The following A1BG variants were observed in gnomAD, a reference collection of about 807,000 sequenced individuals.
A1BG encodes alpha-1B-glycoprotein.
A neutral mutation model predicts 46.0 loss-of-function variants in A1BG; 44 were observed. That is an observed-to-expected ratio of 0.96 (90% CI 0.75 to 1.23). The LOEUF is 1.23. Ranked by LOEUF, A1BG falls within the 50% of genes most tolerant of loss-of-function variation. The pLI is 0.00. For synonymous variants in A1BG, 316 were observed against 314.7 expected, an observed-to-expected ratio of 1.00 and a Z score of -0.04; for missense variants, 707 against 688.8, an observed-to-expected ratio of 1.03 and a Z score of -0.30.
chr19:58,347,817 C>G, intron 6 of A1BG, 177 bp from the exon 7 acceptor site: 1 of 366,846 alleles, frequency 2.7e-6, no homozygotes. Context: ...CGCCCGCTGC[C>G]TTCACACCCC....
Position 58,346,735 on chromosome 19 carries a change from A to AAAAGAAG in A1BG, c.*286_*287insCTTCTTT, listed in dbSNP as rs2051915841. 1.9e-6 allele frequency: 1 copy of AAAAGAAG among 531,938 alleles called. No homozygotes were observed. The highest frequency in any genetic ancestry group is 3.3e-5 in the Admixed American group (1 of 29,870). The allele number at this position is 531,938 out of a possible 1,614,324, so 33.0% of individuals were successfully genotyped here. A position where few individuals can be genotyped will look rare whatever the true frequency, so the allele number is the denominator to read the frequency against. ...CCCTGTCTCAAAAAAGAAAAAAGAA[A>AAAAGAAG]AGAAAACTGTGCTCTTAAGAGCCAG... On this transcript the variant is annotated 3_prime_UTR_variant, in exon 8 of 8. Coordinates refer to ENST00000263100, the MANE Select transcript of A1BG (RefSeq NM_130786.4).
Position 58,347,653 on chromosome 19 carries a change from G to A in A1BG, c.1193-13C>T, listed in dbSNP as rs1319115024. ...CTGGGAGGGGGTCCTGGGCGGAGCG[G>A]GCGGGTGGTCGGGCCAGGCCACGCC... is the stretch of plus-strand genomic sequence containing the variant. On this transcript the variant is annotated splice_polypyrimidine_tract_variant and intron_variant, in intron 6 of 7. Transcript: ENST00000263100. 2.9e-6 allele frequency: 4 copies of A among 1,398,222 alleles called. No individual in the cohort carries two copies. The African/African-American group carries it at 4.6e-5, about 16-fold the overall frequency. The allele number at this position is 1,398,222 out of a possible 1,614,324, so 86.6% of individuals were successfully genotyped here. A position where few individuals can be genotyped will look rare whatever the true frequency, so the allele number is the denominator to read the frequency against.
chr19:58,346,610 C>A lies in A1BG; in HGVS notation c.*412G>T. The A allele has an allele frequency of 3.8e-6, 1 of 262,868 alleles. No individual in the cohort carries two copies. The highest frequency in any genetic ancestry group is 3.6e-5 in the South Asian group (1 of 27,618). The allele number at this position is 262,868 out of a possible 1,614,324, so 16.3% of individuals were successfully genotyped here. A position where few individuals can be genotyped will look rare whatever the true frequency, so the allele number is the denominator to read the frequency against. ...CGATGCATGCCCAGGCTCCCAGCTACTTGGGAGGCTGAGGCAGGAGGATCG... is the reference window on the plus strand; with the variant it reads ...CGATGCATGCCCAGGCTCCCAGCTAATTGGGAGGCTGAGGCAGGAGGATCG... On this transcript the variant is annotated 3_prime_UTR_variant, in exon 8 of 8. Coordinates refer to ENST00000263100, the MANE Select transcript of A1BG (RefSeq NM_130786.4).
chr19:58,353,137 T>C lies in A1BG; in HGVS notation c.131A>G (p.Asn44Ser). Residue 44 changes from asparagine (N) to serine (S), a missense_variant, in exon 3 of 8, where the codon AAT becomes AGT. Coordinates refer to ENST00000263100, the MANE Select transcript of A1BG (RefSeq NM_130786.4). ...GTGGGCCTGGCACGTCAGCGTCACA[T>C]TGGCCAAGGGTTTCAGCAGTGATTC... ...ESESLLKPLANVTLTCQAHLE... is the reference protein window; with the variant it reads ...ESESLLKPLASVTLTCQAHLE... 1 of 1,614,108 alleles carries C rather than the reference T, an allele frequency of 6.2e-7. No individual in the cohort carries two copies. Among genetic ancestry groups the C allele is most frequent in the Non-Finnish European group, 8.5e-7 (1 of 1,180,010 alleles).
At chr19:58,350,254 G>T in intron 6 of A1BG, 116 bp downstream of exon 6, 2 of 1,319,348 alleles carry the variant, frequency 1.5e-6, no homozygotes, top group South Asian at 3.1e-5. Context: ...AGGCGATGGG[G>T]GCTGAACCAA....
Position 58,347,129 on chromosome 19 carries a change from G to C in A1BG, c.1481-100C>G, listed in dbSNP as rs1225739575. On this transcript the variant is annotated intron_variant, in intron 7 of 7. Transcript: ENST00000263100. ...GACCTCCCTGACGCCCCCCCGGAAG[G>C]AAGCGCGTGGTCGGCTGCCAGCCGA... 11 of 1,491,506 alleles carry C rather than the reference G, an allele frequency of 7.4e-6. No individual in the cohort carries two copies. In the Middle Eastern group the frequency reaches 7.0e-4, roughly 95 times the overall value. 92.4% of individuals were successfully genotyped at this position (1,491,506 alleles called of 1,614,324 possible). A position where few individuals can be genotyped will look rare whatever the true frequency, so the allele number is the denominator to read the frequency against.
Position 58,347,048 on chromosome 19 carries a change from G to A in A1BG, c.1481-19C>T. On this transcript the variant is annotated intron_variant, in intron 7 of 7. Transcript: ENST00000263100. ...CAGCTTTCTAGACAACGGGAGAAAA[G>A]AGAAATGGTGGAGGAGGGGAAATCC... is the stretch of plus-strand genomic sequence containing the variant. 2 of 1,614,054 alleles carry A rather than the reference G, an allele frequency of 1.2e-6. No individual in the cohort carries two copies. The highest frequency in any genetic ancestry group is 8.5e-7 in the Non-Finnish European group (1 of 1,179,946).
At chr19:58,352,900 C>A in intron 3 of A1BG, 28 bp downstream of exon 3, 1 of 1,596,826 alleles carries the variant, frequency 6.3e-7, no homozygotes, top group South Asian at 1.1e-5. Context: ...CCACTGCCTC[C>A]TGGCCCCCAA....
chr19:58,351,030 T>C, intron 5 of A1BG: 1 of 420,778 alleles, frequency 2.4e-6, no homozygotes, highest in South Asian at 3.8e-5. Context: ...GGGCATGGGG[T>C]TCGCTGTCCG....
At chr19:58,347,173 C>T in intron 7 of A1BG, 144 bp from the exon 8 acceptor site, 1 of 1,338,314 alleles carries the variant, frequency 7.5e-7, no homozygotes, top group Non-Finnish European at 1.0e-6. Flanking sequence ...TCTGCGCCTC[C>T]AGCTGCAGGG....
Position 58,353,079 on chromosome 19 carries a change from A to G in A1BG, c.189T>C (p.Asn63=), listed in dbSNP as rs768835785. 2.5e-6 allele frequency: 4 copies of G among 1,614,132 alleles called. No homozygotes were observed. Among genetic ancestry groups the G allele is most frequent in the Non-Finnish European group, 3.4e-6 (4 of 1,180,020 alleles). ...GGTGCACAGGCTCCTGGGCCACCCC[A>G]TTCTTGAACAGCTGGAAGTCTGGAG... is the stretch of plus-strand genomic sequence containing the variant. ...LETPDFQLFK[N]GVAQEPVHLD... is the part of the protein sequence containing the mutation. The change falls in exon 3 of 8, where the codon AAT becomes AAC. Residue 63 remains asparagine, a synonymous_variant. Coordinates refer to ENST00000263100, the MANE Select transcript of A1BG (RefSeq NM_130786.4).
chr19:58,346,730 A>G lies in A1BG; in HGVS notation c.*292T>C. The G allele has an allele frequency of 1.9e-6, 1 of 514,794 alleles. No individual in the cohort carries two copies. Among genetic ancestry groups the G allele is most frequent in the Non-Finnish European group, 3.5e-6 (1 of 286,612 alleles). 31.9% of individuals were successfully genotyped at this position (514,794 alleles called of 1,614,324 possible). A position where few individuals can be genotyped will look rare whatever the true frequency, so the allele number is the denominator to read the frequency against. ...TGAGACCCTGTCTCAAAAAAGAAAA[A>G]AGAAAAGAAAACTGTGCTCTTAAGA... On this transcript the variant is annotated 3_prime_UTR_variant, in exon 8 of 8. Coordinates refer to ENST00000263100, the MANE Select transcript of A1BG (RefSeq NM_130786.4).
chr19:58,350,678 G>C, intron 5 of A1BG, 27 bp from the exon 6 acceptor site: 1 of 1,337,974 alleles, frequency 7.5e-7, no homozygotes, highest in Non-Finnish European at 9.5e-7. Context: ...GGGCTGACCC[G>C]GGCGCCCAGC....
At position 58,352,633 on chromosome 19, in the gene A1BG, C is replaced by T. The variant is rs574217072; in HGVS notation, c.341-78G>A. On this transcript the variant is annotated intron_variant, in intron 3 of 7. Transcript: ENST00000263100. Reference sequence around the variant, plus strand: ...AGCCCAGCAGAACCTGGGCCCCACACTCATAAGACTGTGAAGGAGACAGGG... The same window carrying T: ...AGCCCAGCAGAACCTGGGCCCCACATTCATAAGACTGTGAAGGAGACAGGG... 113 of 1,514,632 alleles carry T rather than the reference C, an allele frequency of 7.5e-5. No homozygotes were observed. The African/African-American group carries it at 1.3e-3, about 18-fold the overall frequency. 93.8% of individuals were successfully genotyped at this position (1,514,632 alleles called of 1,614,324 possible). A position where few individuals can be genotyped will look rare whatever the true frequency, so the allele number is the denominator to read the frequency against.
chr19:58,351,200 C>A, intron 5 of A1BG, 191 bp downstream of exon 5: 1 of 726,606 alleles, frequency 1.4e-6, no homozygotes. Context: ...CCAGTTATTC[C>A]CTGTGGGGCC....
At position 58,349,337 on chromosome 19, in the gene A1BG, A is replaced by G. The variant is rs79902891; in HGVS notation, c.1192+1033T>C. ...GGCCAAGATTAAACATTTTTCATCA[A>G]TTGTGGATGGTGGCTTATAACACTG... On this transcript the variant is annotated intron_variant, in intron 6 of 7. Coordinates refer to ENST00000263100, the MANE Select transcript of A1BG (RefSeq NM_130786.4). 4.2e-4 allele frequency among the ~76,000 whole-genome samples: 64 copies of G among 152,056 alleles called. 1 individual carries two copies. In the East Asian group the frequency reaches 0.011, roughly 26 times the overall value.
Position 58,351,252 on chromosome 19 carries a change from C to G in A1BG, c.910+139G>C, listed in dbSNP as rs988572963. The G allele has an allele frequency of 3.7e-6, 4 of 1,084,662 alleles. No individual in the cohort carries two copies. In the Admixed American group the frequency reaches 5.9e-5, roughly 16 times the overall value. 67.2% of individuals were successfully genotyped at this position (1,084,662 alleles called of 1,614,324 possible). On this transcript the variant is annotated intron_variant, in intron 5 of 7. Coordinates refer to ENST00000263100, the MANE Select transcript of A1BG (RefSeq NM_130786.4). ...CATCATCATATTTGCAGTTTAGGAC[C>G]CTGAATCGGCGGGTGGGCGGATAAA...
In A1BG at chr19:58,346,668, C is replaced by T. The variant is rs1227265510; in HGVS notation, c.*354G>A. The stretch of plus-strand genomic sequence containing the variant: ...CTGGGAGGTCAAAACTGCAGTGAGC[C>T]GGACTGCAACACTGCACTCCAGCCT... On this transcript the variant is annotated 3_prime_UTR_variant, in exon 8 of 8. Coordinates refer to ENST00000263100, the MANE Select transcript of A1BG (RefSeq NM_130786.4). 3 of 336,350 alleles carry T rather than the reference C, an allele frequency of 8.9e-6. No individual in the cohort carries two copies. The highest frequency in any genetic ancestry group is 8.2e-5 in the East Asian group (1 of 12,252). The allele number at this position is 336,350 out of a possible 1,614,324, so 20.8% of individuals were successfully genotyped here. A position where few individuals can be genotyped will look rare whatever the true frequency, so the allele number is the denominator to read the frequency against.
rs577924346 is a variant in A1BG, at chr19:58,353,480, C to T, written c.-43G>A. On this transcript the variant is annotated 5_prime_UTR_variant, in exon 1 of 8. Transcript: ENST00000263100. ...CGGTGCAGTGAGTGTCTGGGGTGAGCGTCTGCAGCAATGAGGCCCCAAGGG... is the reference window on the plus strand; with the variant it reads ...CGGTGCAGTGAGTGTCTGGGGTGAGTGTCTGCAGCAATGAGGCCCCAAGGG... 4.9e-5 allele frequency: 78 copies of T among 1,577,646 alleles called. No homozygotes were observed. Among genetic ancestry groups the T allele is most frequent in the Admixed American group, 4.0e-4 (22 of 55,194 alleles).
Sources: gnomAD v4.1 joint callset for allele counts (sites outside exome capture counted in the v4.1 genomes callset) on GRCh38, gnomAD v4.1.1 for gene constraint, MANE v1.5 for transcripts, NCBI Gene and HGNC (gene_info 2026-07-23, HGNC 2026-07-21) for gene names.